The following ZNF407 variants were observed in gnomAD, a reference collection of about 807,000 sequenced individuals.
ZNF407 encodes the protein zinc finger protein 407.
A neutral mutation model predicts 131.2 loss-of-function variants in ZNF407; 17 were observed. That is an observed-to-expected ratio of 0.13 (90% CI 0.09 to 0.19). The LOEUF is 0.19. Ranked by LOEUF, ZNF407 falls within the 10% of genes least tolerant of loss-of-function variation. The probability of loss-of-function intolerance (pLI) is 1.00; values close to 1 mark genes in which losing one functional copy is unlikely to be tolerated. For missense variants in ZNF407, 2,681 were observed against 2,830.6 expected (o/e 0.95, Z 1.20); for synonymous variants, 1,156 against 1,062.0 (o/e 1.09, Z -1.72).
intron 3 of ZNF407, among the ~76,000 whole-genome samples, chr18:74,695,963 A>T (rs1349999342): frequency 6.6e-6 from 1 of 152,156 alleles, no homozygotes; most frequent in East Asian, 1.9e-4. Flanking sequence ...GATTTCCTTT[A>T]AGGTTAGGTT....
chr18:74,778,531 A>G (rs1969522701), intron 3 of ZNF407, among the ~76,000 whole-genome samples: 1 of 151,868 alleles, frequency 6.6e-6, no homozygotes, highest in Non-Finnish European at 1.5e-5. Flanking sequence ...TAGGTTGTAC[A>G]TTTTTTGAGG....
At chr18:74,839,864 C>T (rs749032113) in intron 4 of ZNF407, among the ~76,000 whole-genome samples, 52 of 152,122 alleles carry the variant, frequency 3.4e-4, no homozygotes, top group Admixed American at 5.9e-4. Flanking sequence ...GTGATATTTA[C>T]TTATGGATAC....
intron 4 of ZNF407, among the ~76,000 whole-genome samples, chr18:74,825,482 A>G (rs1000000318): frequency 3.3e-5 from 5 of 152,258 alleles, no homozygotes; most frequent in Non-Finnish European, 5.9e-5. Context: ...CTGATAATCA[A>G]CTTCACCAAA....
intron 4 of ZNF407, among the ~76,000 whole-genome samples, chr18:74,852,135 T>C (rs562049666): frequency 6.6e-6 from 1 of 151,770 alleles, no homozygotes; most frequent in East Asian, 1.9e-4. Flanking sequence ...AAAAACATTC[T>C]GTGTTTATCT....
chr18:74,963,759 A>G (rs1243888931), intron 8 of ZNF407, among the ~76,000 whole-genome samples: 1 of 152,248 alleles, frequency 6.6e-6, no homozygotes, highest in Non-Finnish European at 1.5e-5. Context: ...TTATACTTTA[A>G]TGGCTTTAGA....
At chr18:74,826,386 A>G (rs1172557402) in intron 4 of ZNF407, among the ~76,000 whole-genome samples, 1 of 152,190 alleles carries the variant, frequency 6.6e-6, no homozygotes, top group South Asian at 2.1e-4. Context: ...TCAAAGTTAC[A>G]TGTAATACTC....
At chr18:74,777,887 A>G (rs367670177) in intron 3 of ZNF407, among the ~76,000 whole-genome samples, 41 of 152,130 alleles carry the variant, frequency 2.7e-4, no homozygotes, top group African/African-American at 8.9e-4. Flanking sequence ...TTTGAGACCA[A>G]CTTGGGCAAC....
intron 3 of ZNF407, among the ~76,000 whole-genome samples, chr18:74,754,295 C>A (rs1051790789): frequency 2.9e-4 from 44 of 152,116 alleles, no homozygotes; most frequent in African/African-American, 1.0e-3. Context: ...TTTCAAAAAA[C>A]CAGTTCCTGG....
intron 4 of ZNF407, among the ~76,000 whole-genome samples, chr18:74,803,163 C>T (rs188516776): frequency 1.3e-5 from 2 of 152,314 alleles, no homozygotes; most frequent in Admixed American, 6.5e-5. Context: ...AGCCCTGTAA[C>T]AGCCTTGTAT....
At chr18:74,707,363 G>A (rs1353301812) in intron 3 of ZNF407, among the ~76,000 whole-genome samples, 1 of 152,144 alleles carries the variant, frequency 6.6e-6, no homozygotes, top group Non-Finnish European at 1.5e-5. Flanking sequence ...GTAAGTACAG[G>A]CTGAGCATCC....
At chr18:74,738,409 G>A (rs1968469372) in intron 3 of ZNF407, among the ~76,000 whole-genome samples, 1 of 120,986 alleles carries the variant, frequency 8.3e-6, no homozygotes, top group African/African-American at 3.5e-5. Flanking sequence ...GACAGAGTGA[G>A]ACTCTGTCTC....
chr18:74,854,938 G>C (rs985638001), intron 4 of ZNF407, among the ~76,000 whole-genome samples: 1 of 152,022 alleles, frequency 6.6e-6, no homozygotes. Context: ...CTAACTTATA[G>C]ATTAGTGAAA....
At chr18:74,929,291 C>T (rs1357060943) in intron 8 of ZNF407, among the ~76,000 whole-genome samples, 1 of 152,152 alleles carries the variant, frequency 6.6e-6, no homozygotes, top group African/African-American at 2.4e-5. Flanking sequence ...GTCACCCAGC[C>T]ACGTGGCATT....
At chr18:74,663,338 T>G (rs1248205049) in intron 3 of ZNF407, among the ~76,000 whole-genome samples, 1 of 152,144 alleles carries the variant, frequency 6.6e-6, no homozygotes, top group Non-Finnish European at 1.5e-5. Context: ...AAAAGTATTA[T>G]CAATGTCTGG....
intron 8 of ZNF407, among the ~76,000 whole-genome samples, chr18:75,002,783 C>T (rs545329796): frequency 8.2e-5 from 11 of 134,398 alleles, no homozygotes; most frequent in South Asian, 2.5e-4. Flanking sequence ...CCAGCCTGGG[C>T]AACAGAGCGA....
chr18:74,888,643 G>A (rs954317235), intron 6 of ZNF407, among the ~76,000 whole-genome samples: 3 of 152,074 alleles, frequency 2.0e-5, no homozygotes, highest in Admixed American at 6.6e-5. Context: ...TAGCTCAGTC[G>A]AGTATCAGTT....
intron 3 of ZNF407, among the ~76,000 whole-genome samples, chr18:74,729,677 A>G (rs1568186553): frequency 6.6e-6 from 1 of 152,222 alleles, no homozygotes; most frequent in Non-Finnish European, 1.5e-5. Flanking sequence ...CTGGCATACA[A>G]AAGCAACATA....
At position 74,916,718 on chromosome 18, in the gene ZNF407, T is replaced by A. The variant is rs563451004; in HGVS notation, c.5250-3796T>A. Reference sequence around the variant, plus strand: ...TTCGAATCGGGAGTGTGTGTGTGTATGTGTGTGTGTGCATGTGTGTGCTGG... The same window carrying A: ...TTCGAATCGGGAGTGTGTGTGTGTAAGTGTGTGTGTGCATGTGTGTGCTGG... On this transcript the variant is annotated intron_variant, in intron 7 of 8. Coordinates refer to ENST00000299687, the MANE Select transcript of ZNF407 (RefSeq NM_017757.3). Among the ~76,000 whole-genome samples the A allele has an allele frequency of 6.9e-5, 10 of 144,496 alleles. No homozygotes were observed. The South Asian group carries it at 2.3e-3, about 33-fold the overall frequency. The allele number at this position is 144,496 out of a possible 152,430, so 94.8% of individuals were successfully genotyped here.
chr18:74,603,058 C>T (rs566208995), intron 1 of ZNF407, among the ~76,000 whole-genome samples: 39 of 152,180 alleles, frequency 2.6e-4, no homozygotes, highest in Admixed American at 2.6e-4. Flanking sequence ...GAAGCAGGGG[C>T]CAAACTGCGA....
Sources: gnomAD v4.1 joint callset for allele counts (sites outside exome capture counted in the v4.1 genomes callset) on GRCh38, gnomAD v4.1.1 for gene constraint, MANE v1.5 for transcripts, NCBI Gene and HGNC (gene_info 2026-07-23, HGNC 2026-07-21) for gene names.